The following CPA6 variants were observed in gnomAD, a reference collection of about 807,000 sequenced individuals.
CPA6 encodes the protein carboxypeptidase B.
Under a neutral mutation model 63.3 loss-of-function variants are expected in CPA6, and 58 were observed. The observed-to-expected ratio is 0.92, with a 90% CI of 0.74 to 1.14. The LOEUF is 1.14. Among genes scored for constraint, CPA6 ranks in the 50% most tolerant of loss-of-function variants. CPA6 has a pLI of 0.00. For missense variants in CPA6, 565 were observed against 526.6 expected, an observed-to-expected ratio of 1.07 and a Z score of -0.71; for synonymous variants, 185 against 179.0, an observed-to-expected ratio of 1.03 and a Z score of -0.27.
intron 2 of CPA6, among the ~76,000 whole-genome samples, chr8:67,526,875 G>A (rs999744925): frequency 1.3e-5 from 2 of 152,078 alleles, no homozygotes; most frequent in Non-Finnish European, 2.9e-5. Flanking sequence ...AAGTACTAAC[G>A]AAAGGTTTCT....
At position 67,492,204 on chromosome 8, in the gene CPA6, G is replaced by A. The variant is rs184725042; in HGVS notation, c.637-7415C>T. On this transcript the variant is annotated intron_variant, in intron 6 of 10. Transcript: ENST00000297770. The stretch of plus-strand genomic sequence containing the variant: ...AAATATGCAGCCACAGGAATACAGT[G>A]AGGACCAACTTACCAATACAGATGA... Among the ~76,000 whole-genome samples, 20 of 152,332 alleles carry A rather than the reference G, an allele frequency of 1.3e-4. No individual in the cohort carries two copies. The East Asian group carries it at 2.1e-3, about 16-fold the overall frequency.
chr8:67,518,197 A>G, intron 2 of CPA6, 150 bp from the exon 3 acceptor site: 1 of 635,160 alleles, frequency 1.6e-6, no homozygotes. Flanking sequence ...GGGTAAAACT[A>G]TTTGATCTTG....
chr8:67,575,040 G>T (rs970279717), intron 2 of CPA6, among the ~76,000 whole-genome samples: 8 of 151,778 alleles, frequency 5.3e-5, no homozygotes, highest in African/African-American at 1.7e-4. Context: ...TATATAGAAA[G>T]AAAACAAATA....
At chr8:67,597,329 G>T (rs1814369687) in intron 2 of CPA6, among the ~76,000 whole-genome samples, 1 of 151,620 alleles carries the variant, frequency 6.6e-6, no homozygotes, top group African/African-American at 2.4e-5. Context: ...CTCCCGAGTA[G>T]CTGGGACTAC....
chr8:67,643,612 G>T (rs1279846595), intron 1 of CPA6, among the ~76,000 whole-genome samples: 4 of 151,714 alleles, frequency 2.6e-5, no homozygotes, highest in Non-Finnish European at 5.9e-5. Context: ...GAAGGGGAGA[G>T]GGAAAGAGAG....
chr8:67,428,640 C>T (rs1018382346), intron 9 of CPA6, among the ~76,000 whole-genome samples: 1 of 152,162 alleles, frequency 6.6e-6, no homozygotes, highest in African/African-American at 2.4e-5. Flanking sequence ...CGTGCCACCA[C>T]GCCTTGCTAT....
intron 8 of CPA6, among the ~76,000 whole-genome samples, chr8:67,460,865 C>T (rs953252744): frequency 2.0e-4 from 30 of 151,986 alleles, no homozygotes; most frequent in African/African-American, 6.5e-4. Flanking sequence ...GCATCTCTAG[C>T]GAAGTACCAG....
At chr8:67,633,950 A>G (rs1815404035) in intron 1 of CPA6, among the ~76,000 whole-genome samples, 1 of 151,942 alleles carries the variant, frequency 6.6e-6, no homozygotes, top group African/African-American at 2.4e-5. Context: ...TTTTTATTGC[A>G]TATTGTGTCT....
chr8:67,475,612 ATCAGTATTTGGGTTC>A (rs1221541452), intron 8 of CPA6, among the ~76,000 whole-genome samples: 1 of 152,080 alleles, frequency 6.6e-6, no homozygotes, highest in African/African-American at 2.4e-5. Flanking sequence ...GAGGCAGGGG[ATCAGTATTTGGGTTC>A]TCAGTTTGCA....
chr8:67,462,925 G>A (rs1245736553), intron 8 of CPA6, among the ~76,000 whole-genome samples: 1 of 152,072 alleles, frequency 6.6e-6, no homozygotes, highest in African/African-American at 2.4e-5. Flanking sequence ...TGGCTCTATT[G>A]ACTTTTGATA....
chr8:67,526,574 T>C (rs1405039727), intron 2 of CPA6, among the ~76,000 whole-genome samples: 1 of 152,114 alleles, frequency 6.6e-6, no homozygotes, highest in African/African-American at 2.4e-5. Context: ...GGCTCTTCCT[T>C]TTTTCAGGGT....
chr8:67,715,124 T>C (rs1224874541), intron 1 of CPA6, among the ~76,000 whole-genome samples: 2 of 152,196 alleles, frequency 1.3e-5, no homozygotes, highest in Non-Finnish European at 2.9e-5. Context: ...AATTCTCTAA[T>C]GCAACTGCTA....
At chr8:67,634,578 C>G (rs1173147882) in intron 1 of CPA6, among the ~76,000 whole-genome samples, 1 of 151,578 alleles carries the variant, frequency 6.6e-6, no homozygotes, top group Non-Finnish European at 1.5e-5. Context: ...AGATTACAAT[C>G]TGGGCTCCAC....
intron 1 of CPA6, among the ~76,000 whole-genome samples, chr8:67,628,501 A>C (rs975201024): frequency 3.3e-5 from 5 of 152,240 alleles, no homozygotes; most frequent in African/African-American, 1.2e-4. Context: ...AGCATATGAA[A>C]TGATAAAGTT....
chr8:67,450,201 C>G (rs1377877080), intron 8 of CPA6, among the ~76,000 whole-genome samples: 1 of 152,112 alleles, frequency 6.6e-6, no homozygotes, highest in Non-Finnish European at 1.5e-5. Flanking sequence ...TTTTTATGGT[C>G]AATGTACTAC....
intron 2 of CPA6, among the ~76,000 whole-genome samples, chr8:67,552,516 G>A (rs548789031): frequency 1.4e-3 from 217 of 152,214 alleles, no homozygotes; most frequent in African/African-American, 5.0e-3. Context: ...GCTCATGCCT[G>A]TAATCCCAGC....
At chr8:67,666,122 A>T (rs190977806) in intron 1 of CPA6, among the ~76,000 whole-genome samples, 2 of 152,318 alleles carry the variant, frequency 1.3e-5, no homozygotes, top group African/African-American at 4.8e-5. Context: ...ACTCACCTGT[A>T]AAGAACTGAG....
intron 1 of CPA6, among the ~76,000 whole-genome samples, chr8:67,660,253 G>T (rs575429728): frequency 9.9e-5 from 15 of 151,602 alleles, no homozygotes; most frequent in African/African-American, 3.1e-4. Context: ...TACTAGTAGG[G>T]TGGTGAGAAT....
At chr8:67,561,980 T>G (rs1813223954) in intron 2 of CPA6, among the ~76,000 whole-genome samples, 1 of 152,196 alleles carries the variant, frequency 6.6e-6, no homozygotes, top group South Asian at 2.1e-4. Context: ...GCCTAGATGA[T>G]AGTAGAGCAA....
Sources: gnomAD v4.1 joint callset for allele counts (sites outside exome capture counted in the v4.1 genomes callset) on GRCh38, gnomAD v4.1.1 for gene constraint, MANE v1.5 for transcripts, NCBI Gene and HGNC (gene_info 2026-07-23, HGNC 2026-07-21) for gene names.